Variants in DIP2B observed in about 807,000 individuals in gnomAD.
DIP2B encodes the protein disco-interacting protein 2 homolog B.
A neutral mutation model predicts 198.0 loss-of-function variants in DIP2B; 76 were observed. The observed-to-expected ratio is 0.38, with a 90% CI of 0.32 to 0.46. The LOEUF (loss-of-function observed/expected upper bound fraction) is 0.46. Among genes scored for constraint, DIP2B ranks in the 20% least tolerant of loss-of-function variants. DIP2B has a pLI of 0.99. For missense variants in DIP2B, 1,559 were observed against 1,978.4 expected, an observed-to-expected ratio of 0.79 and a Z score of 4.02; for synonymous variants, 701 against 739.1, an observed-to-expected ratio of 0.95 and a Z score of 0.84.
chr12:50,600,419 T>C (rs1413579877), intron 1 of DIP2B, among the ~76,000 whole-genome samples: 1 of 152,218 alleles, frequency 6.6e-6, no homozygotes, highest in African/African-American at 2.4e-5. Context: ...TCAATAATAC[T>C]TTGCAAATGA....
intron 12 of DIP2B, among the ~76,000 whole-genome samples, chr12:50,689,201 G>A (rs530095725): frequency 2.0e-5 from 3 of 152,066 alleles, no homozygotes; most frequent in Admixed American, 6.5e-5. Flanking sequence ...AGTTCGAGAC[G>A]AGCCTGGGCA....
intron 1 of DIP2B, among the ~76,000 whole-genome samples, chr12:50,535,681 A>AT (rs1222272390): frequency 6.7e-5 from 10 of 148,882 alleles, no homozygotes; most frequent in East Asian, 3.9e-4. Flanking sequence ...GAGCCCAGGA[A>AT]TTTTTTTTTT....
At chr12:50,666,585 A>T (rs1271484626) in intron 4 of DIP2B, among the ~76,000 whole-genome samples, 1 of 152,150 alleles carries the variant, frequency 6.6e-6, no homozygotes, top group Non-Finnish European at 1.5e-5. Flanking sequence ...TGTAGGGAGG[A>T]GAATCAGCAA....
At chr12:50,684,747 G>T (rs1180462181) in intron 10 of DIP2B, among the ~76,000 whole-genome samples, 1 of 151,824 alleles carries the variant, frequency 6.6e-6, no homozygotes, top group Admixed American at 6.6e-5. Context: ...AGTCAAGATT[G>T]CGCCACTGTA....
intron 1 of DIP2B, among the ~76,000 whole-genome samples, chr12:50,514,065 CTTTT>C (rs71083583): frequency 6.7e-5 from 8 of 118,810 alleles, no homozygotes; most frequent in Admixed American, 8.9e-5. Flanking sequence ...ACTCAGTTGT[CTTTT>C]TTTTTTTTTT....
chr12:50,590,731 G>C (rs1013252630), intron 1 of DIP2B, among the ~76,000 whole-genome samples: 1 of 152,134 alleles, frequency 6.6e-6, no homozygotes, highest in African/African-American at 2.4e-5. Flanking sequence ...ATCATTTCCA[G>C]TGAAAGCATG....
intron 2 of DIP2B, among the ~76,000 whole-genome samples, chr12:50,630,181 CT>C (rs1274637695): frequency 6.6e-6 from 1 of 152,076 alleles, no homozygotes; most frequent in Non-Finnish European, 1.5e-5. Context: ...ATCACTTGAC[CT>C]TGTGATCCAC....
At chr12:50,647,494 C>G (rs2139495199) in intron 3 of DIP2B, among the ~76,000 whole-genome samples, 1 of 152,328 alleles carries the variant, frequency 6.6e-6, no homozygotes, top group Non-Finnish European at 1.5e-5. Context: ...CTCCACCCTG[C>G]ACAGAGTAGT....
At chr12:50,524,465 G>A (rs943737506) in intron 1 of DIP2B, among the ~76,000 whole-genome samples, 14 of 152,022 alleles carry the variant, frequency 9.2e-5, no homozygotes, top group Admixed American at 2.6e-4. Flanking sequence ...TTGTGCTTCA[G>A]CCACATTGGC....
intron 3 of DIP2B, among the ~76,000 whole-genome samples, chr12:50,657,924 CTA>C (rs1938581535): frequency 6.6e-6 from 1 of 151,840 alleles, no homozygotes; most frequent in Non-Finnish European, 1.5e-5. Context: ...GGACAATAGA[CTA>C]TGTTGGAATA....
intron 1 of DIP2B, among the ~76,000 whole-genome samples, chr12:50,519,899 A>AT (rs1003530949): frequency 1.3e-5 from 2 of 149,532 alleles, no homozygotes; most frequent in African/African-American, 2.5e-5. Context: ...CATCTGCAAG[A>AT]TTTTTTTTTC....
At chr12:50,547,781 G>T (rs910557089) in intron 1 of DIP2B, among the ~76,000 whole-genome samples, 2 of 152,018 alleles carry the variant, frequency 1.3e-5, no homozygotes, top group Non-Finnish European at 2.9e-5. Context: ...TTTTAAAAAG[G>T]GTGTGAGCTG....
chr12:50,638,688 G>T (rs1013114326), intron 2 of DIP2B, among the ~76,000 whole-genome samples: 22 of 152,084 alleles, frequency 1.4e-4, no homozygotes, highest in Admixed American at 1.2e-3. Context: ...CCATGGTCAG[G>T]GAATGATTCA....
Position 50,644,756 on chromosome 12 carries a change from A to C in DIP2B, c.301+3904A>C, listed in dbSNP as rs147675646. The stretch of plus-strand genomic sequence containing the variant: ...CTGTGAATGCCTGTGACAGGGAAAA[A>C]CATGCTCTGTAATTACTAATTATCC... On this transcript the variant is annotated intron_variant, in intron 3 of 37. Coordinates refer to ENST00000301180, the MANE Select transcript of DIP2B (RefSeq NM_173602.3). Among the ~76,000 whole-genome samples the C allele has an allele frequency of 8.0e-3, 1,219 of 152,328 alleles. 25 individuals are homozygous for C. The highest frequency in any genetic ancestry group is 0.028 in the African/African-American group (1,146 of 41,576).
chr12:50,737,118 A>G lies in DIP2B; in HGVS notation c.4176+8A>G, dbSNP rs1260051368. On this transcript the variant is annotated splice_region_variant and intron_variant, in intron 35 of 37. Transcript: ENST00000301180. ...GACTCTCACCTTGGAGAGGTTTGTA[A>G]TAATTTTCATTTTTACTCTGAAAAG... The G allele has an allele frequency of 1.2e-6, 2 of 1,612,852 alleles. No homozygotes were observed. Among genetic ancestry groups the G allele is most frequent in the South Asian group, 1.1e-5 (1 of 90,826 alleles).
At chr12:50,669,655 C>T (rs912052334) in intron 4 of DIP2B, among the ~76,000 whole-genome samples, 4 of 152,136 alleles carry the variant, frequency 2.6e-5, no homozygotes, top group Non-Finnish European at 5.9e-5. Context: ...GAACTCCTGA[C>T]GTCAAGTGAT....
intron 2 of DIP2B, among the ~76,000 whole-genome samples, chr12:50,639,591 C>CT (rs970097290): frequency 6.5e-4 from 94 of 143,800 alleles, no homozygotes; most frequent in South Asian, 4.0e-3. Context: ...TGCTTTGAGT[C>CT]TTTTTTTTTT....
chr12:50,744,070 T>A (rs1365915196), intron 37 of DIP2B, among the ~76,000 whole-genome samples: 2 of 152,228 alleles, frequency 1.3e-5, no homozygotes, highest in Non-Finnish European at 2.9e-5. Context: ...GGCGCAAACT[T>A]GGCTCACTGC....
rs951321324 is a variant in DIP2B, at chr12:50,695,353, T to C, written c.1806T>C (p.Ala602=). Residue 602 remains alanine (A), a synonymous_variant, in exon 15 of 38, where the codon GCT becomes GCC. Coordinates refer to ENST00000301180, the MANE Select transcript of DIP2B (RefSeq NM_173602.3). ...TCTCTTGGGTCCAAAGAGTACATGCTCACAAAGGTAGTCACCTGCAACATC... is the reference window on the plus strand; with the variant it reads ...TCTCTTGGGTCCAAAGAGTACATGCCCACAAAGGTAGTCACCTGCAACATC... ...CPLSWVQRVH[A]HKAKVALVKC... is the part of the protein sequence containing the mutation. 3 of 1,613,342 alleles carry C rather than the reference T, an allele frequency of 1.9e-6. No individual in the cohort carries two copies. The highest frequency in any genetic ancestry group is 2.5e-6 in the Non-Finnish European group (3 of 1,179,434).
Sources: allele counts gnomAD v4.1 joint callset (sites outside exome capture counted in the v4.1 genomes callset), GRCh38; gene constraint gnomAD v4.1.1; transcripts MANE v1.5; gene names NCBI Gene and HGNC (gene_info 2026-07-23, HGNC 2026-07-21).